PARD3: variants seen among roughly 807,000 people sequenced by gnomAD.
The protein encoded by PARD3 is par-3 family cell polarity regulator.
PARD3 carries 75 observed loss-of-function variants against 155.4 expected under a neutral mutation model. The ratio of observed to expected loss-of-function variants is 0.48; its 90% CI spans 0.40 to 0.58. The LOEUF (loss-of-function observed/expected upper bound fraction) is 0.58, where lower values mean the gene tolerates loss of function less well. Among genes scored for constraint, PARD3 ranks in the 20% least tolerant of loss-of-function variants. The pLI, the probability that PARD3 is intolerant of heterozygous loss-of-function variation, is 0.00. For missense variants in PARD3, 1,642 were observed against 1,721.7 expected, an observed-to-expected ratio of 0.95 and a Z score of 0.82; for synonymous variants, 576 against 610.5, an observed-to-expected ratio of 0.94 and a Z score of 0.83.
chr10:34,147,704 T>A (rs1483379273), intron 22 of PARD3, among the ~76,000 whole-genome samples: 1 of 151,934 alleles, frequency 6.6e-6, no homozygotes, highest in Non-Finnish European at 1.5e-5. Flanking sequence ...TTAAAATATT[T>A]GTTTTTCTCT....
chr10:34,602,676 G>A (rs770291673), intron 2 of PARD3, among the ~76,000 whole-genome samples: 5 of 152,196 alleles, frequency 3.3e-5, no homozygotes, highest in African/African-American at 4.8e-5. Context: ...ATGAGAGAAT[G>A]TATAATGTAC....
intron 20 of PARD3, among the ~76,000 whole-genome samples, chr10:34,293,254 GA>G (rs1956759521): frequency 6.6e-6 from 1 of 152,024 alleles, no homozygotes; most frequent in Non-Finnish European, 1.5e-5. Context: ...AAGCTTTTTG[GA>G]CATCAACTAG....
intron 5 of PARD3, among the ~76,000 whole-genome samples, chr10:34,412,606 G>A (rs986382412): frequency 3.3e-5 from 5 of 152,248 alleles, no homozygotes; most frequent in African/African-American, 7.2e-5. Flanking sequence ...TCTTGAATCC[G>A]AGAAATGAAT....
intron 1 of PARD3, among the ~76,000 whole-genome samples, chr10:34,735,150 A>G (rs942646029): frequency 3.9e-5 from 6 of 152,220 alleles, no homozygotes; most frequent in Admixed American, 3.9e-4. Flanking sequence ...GACAACAGAA[A>G]ATAATAAGTA....
chr10:34,393,171 T>G (rs1307689420), intron 7 of PARD3, among the ~76,000 whole-genome samples: 1 of 147,674 alleles, frequency 6.8e-6, no homozygotes, highest in Non-Finnish European at 1.5e-5. Context: ...AAAAAGTGTA[T>G]ATAAACACCA....
Position 34,350,636 on chromosome 10 carries a change from G to A in PARD3, c.2068-2521C>T, listed in dbSNP as rs75016095. On this transcript the variant is annotated intron_variant, in intron 14 of 24. Coordinates refer to ENST00000374788, the MANE Select transcript of PARD3 (RefSeq NM_001184785.2). The stretch of plus-strand genomic sequence containing the variant: ...TAACAGAGAGACTCCATCTTGGCGG[G>A]GGGGGAGGGGGGGTGGTAGAATTAA... 5.9e-3 allele frequency among the ~76,000 whole-genome samples: 885 copies of A among 149,034 alleles called. 24 individuals carry two copies. The highest frequency in any genetic ancestry group is 0.036 in the Admixed American group (535 of 14,918).
At chr10:34,204,549 T>C (rs1951375590) in intron 22 of PARD3, among the ~76,000 whole-genome samples, 1 of 152,130 alleles carries the variant, frequency 6.6e-6, no homozygotes, top group South Asian at 2.1e-4. Flanking sequence ...TCCATACAGC[T>C]TGTGTTCAAC....
chr10:34,292,081 C>T (rs1956701269), intron 20 of PARD3, among the ~76,000 whole-genome samples: 1 of 152,200 alleles, frequency 6.6e-6, no homozygotes, highest in East Asian at 1.9e-4. Context: ...TGCAGTGACA[C>T]TCCAAATGTC....
intron 3 of PARD3, among the ~76,000 whole-genome samples, chr10:34,495,422 A>C (rs1322359313): frequency 1.3e-5 from 2 of 152,258 alleles, no homozygotes; most frequent in Non-Finnish European, 2.9e-5. Context: ...ACCCTTGGAA[A>C]GATTAATCAC....
rs71033348 is a variant in PARD3, at chr10:34,750,462, AACACACACACACACACACACAC to A, written c.121-54065_121-54044del. On this transcript the variant is annotated intron_variant, in intron 1 of 24. Coordinates refer to ENST00000374788, the MANE Select transcript of PARD3 (RefSeq NM_001184785.2). ...AGTTACATCCTCTTTCTCTCTTTCA[AACACACACACACACACACACAC>A]ACACACACACACACACACACACACA... is the stretch of plus-strand genomic sequence containing the variant. Among the ~76,000 whole-genome samples the A allele has an allele frequency of 7.6e-4, 103 of 135,928 alleles. 1 individual carries two copies. Among genetic ancestry groups the A allele is most frequent in the South Asian group, 7.2e-3 (27 of 3,742 alleles). 89.2% of individuals were successfully genotyped at this position (135,928 alleles called of 152,430 possible).
chr10:34,666,076 C>T (rs552688403), intron 2 of PARD3, among the ~76,000 whole-genome samples: 1 of 152,030 alleles, frequency 6.6e-6, no homozygotes, highest in East Asian at 1.9e-4. Context: ...TTAAATTAGC[C>T]AGGCATGGTG....
chr10:34,160,180 C>A (rs1187860490), intron 22 of PARD3, among the ~76,000 whole-genome samples: 2 of 152,154 alleles, frequency 1.3e-5, no homozygotes, highest in East Asian at 3.8e-4. Context: ...GGCCTAGAAC[C>A]ATAAAGTAAG....
chr10:34,287,619 C>T (rs1956462263), intron 20 of PARD3, among the ~76,000 whole-genome samples: 1 of 152,162 alleles, frequency 6.6e-6, no homozygotes, highest in African/African-American at 2.4e-5. Context: ...AGTTAATTAG[C>T]TATGTTAAAA....
chr10:34,175,431 A>G (rs182769755), intron 22 of PARD3, among the ~76,000 whole-genome samples: 14 of 152,354 alleles, frequency 9.2e-5, no homozygotes, highest in African/African-American at 2.6e-4. Context: ...GAAATTAAAA[A>G]TAAACTTAAA....
chr10:34,268,231 A>AC (rs1444927798), intron 22 of PARD3, among the ~76,000 whole-genome samples: 1 of 152,172 alleles, frequency 6.6e-6, no homozygotes, highest in African/African-American at 2.4e-5. Flanking sequence ...ATAATGAGAT[A>AC]CCATCTCACA....
chr10:34,781,252 C>T (rs1840205473), intron 1 of PARD3, among the ~76,000 whole-genome samples: 1 of 152,222 alleles, frequency 6.6e-6, no homozygotes, highest in Admixed American at 6.5e-5. Context: ...AAGAGATACC[C>T]CTCTGCAGGA....
intron 2 of PARD3, among the ~76,000 whole-genome samples, chr10:34,646,839 G>C (rs1308243444): frequency 6.6e-6 from 1 of 152,056 alleles, no homozygotes; most frequent in Non-Finnish European, 1.5e-5. Context: ...ACCACCTTCA[G>C]CTACGATTTT....
chr10:34,331,046 GCT>G, intron 19 of PARD3, 69 bp downstream of exon 19: 1 of 1,183,638 alleles, frequency 8.4e-7, no homozygotes, highest in Non-Finnish European at 1.2e-6. Context: ...AAACTCCAGG[GCT>G]CCCTGGAGCT....
chr10:34,610,266 C>T (rs1023020766), intron 2 of PARD3, among the ~76,000 whole-genome samples: 1 of 152,100 alleles, frequency 6.6e-6, no homozygotes, highest in African/African-American at 2.4e-5. Flanking sequence ...GCAAACCATC[C>T]AGGGAACGTG....
Sources: gnomAD v4.1 joint callset for allele counts (sites outside exome capture counted in the v4.1 genomes callset) on GRCh38, gnomAD v4.1.1 for gene constraint, MANE v1.5 for transcripts, NCBI Gene and HGNC (gene_info 2026-07-23, HGNC 2026-07-21) for gene names.